The following EPHA6 variants were observed in gnomAD, a reference collection of about 807,000 sequenced individuals.
EPHA6 encodes ephrin type-A receptor 6.
EPHA6 carries 50 observed loss-of-function variants against 112.0 expected under a neutral mutation model. The ratio of observed to expected loss-of-function variants is 0.45; its 90% CI spans 0.36 to 0.56. EPHA6 has a LOEUF of 0.56. EPHA6 is among the 20% of genes least tolerant of loss of function. EPHA6 has a pLI of 0.00. For synonymous variants in EPHA6, 529 were observed against 490.7 expected (o/e 1.08, Z -1.03); for missense variants, 1,280 against 1,417.4 (o/e 0.90, Z 1.56).
At chr3:97,373,915 C>A (rs952298377) in intron 5 of EPHA6, among the ~76,000 whole-genome samples, 1 of 152,002 alleles carries the variant, frequency 6.6e-6, no homozygotes, top group Non-Finnish European at 1.5e-5. Flanking sequence ...ATATATAATT[C>A]TTATAACAAA....
At chr3:97,392,092 C>A (rs1428609704) in intron 5 of EPHA6, among the ~76,000 whole-genome samples, 1 of 151,788 alleles carries the variant, frequency 6.6e-6, no homozygotes, top group African/African-American at 2.4e-5. Flanking sequence ...GAAGAATAAG[C>A]CACATATATT....
At chr3:97,152,639 T>G (rs1220757810) in intron 3 of EPHA6, among the ~76,000 whole-genome samples, 1 of 152,024 alleles carries the variant, frequency 6.6e-6, no homozygotes, top group Non-Finnish European at 1.5e-5. Context: ...CAGCATTTAC[T>G]TAATACTTAT....
chr3:97,725,547 A>G (rs1176708903), intron 15 of EPHA6, among the ~76,000 whole-genome samples: 1 of 152,182 alleles, frequency 6.6e-6, no homozygotes, highest in Non-Finnish European at 1.5e-5. Flanking sequence ...GCAGTATCAA[A>G]TAACAGCAAA....
At chr3:97,373,690 G>A (rs924480773) in intron 5 of EPHA6, among the ~76,000 whole-genome samples, 9 of 151,998 alleles carry the variant, frequency 5.9e-5, no homozygotes, top group Admixed American at 2.0e-4. Flanking sequence ...AAAGAGAGAG[G>A]TGATCATTTT....
intron 3 of EPHA6, among the ~76,000 whole-genome samples, chr3:97,004,634 C>T (rs2043805707): frequency 6.6e-6 from 1 of 152,182 alleles, no homozygotes; most frequent in Non-Finnish European, 1.5e-5. Context: ...TTCAGAAGCT[C>T]TTTAGACTAA....
intron 3 of EPHA6, among the ~76,000 whole-genome samples, chr3:97,185,446 C>G (rs1054405952): frequency 4.6e-5 from 7 of 152,026 alleles, no homozygotes; most frequent in Non-Finnish European, 7.4e-5. Flanking sequence ...ATTTATGCAG[C>G]CAACAGATGC....
At chr3:97,286,632 C>G (rs1040674859) in intron 5 of EPHA6, among the ~76,000 whole-genome samples, 4 of 150,038 alleles carry the variant, frequency 2.7e-5, no homozygotes, top group Non-Finnish European at 4.4e-5. Flanking sequence ...TGTTTTGGTA[C>G]CAAAGCCATA....
chr3:97,712,065 AAT>A (rs1349674121), intron 14 of EPHA6, among the ~76,000 whole-genome samples: 2 of 152,242 alleles, frequency 1.3e-5, no homozygotes, highest in Non-Finnish European at 2.9e-5. Flanking sequence ...TAATGTATTA[AAT>A]ATCTCAATAT....
At chr3:97,623,796 T>C (rs963894526) in intron 13 of EPHA6, among the ~76,000 whole-genome samples, 21 of 151,714 alleles carry the variant, frequency 1.4e-4, no homozygotes, top group African/African-American at 4.8e-4. Flanking sequence ...GACACATACA[T>C]CCAAGCCATA....
chr3:96,873,086 G>A (rs2036729793), intron 2 of EPHA6, among the ~76,000 whole-genome samples: 1 of 151,880 alleles, frequency 6.6e-6, no homozygotes, highest in African/African-American at 2.4e-5. Flanking sequence ...TGGCCAACAT[G>A]GTGAAACCCC....
Position 97,755,320 on chromosome 3 carries a change from A to G in EPHA6, c.*6619A>G, listed in dbSNP as rs1351267240. Among the ~76,000 whole-genome samples, 1 of 152,210 alleles carries G rather than the reference A, an allele frequency of 6.6e-6. No homozygotes were observed. The highest frequency in any genetic ancestry group is 2.4e-5 in the African/African-American group (1 of 41,470). On this transcript the variant is annotated 3_prime_UTR_variant, in exon 18 of 18. Transcript: ENST00000389672. The stretch of plus-strand genomic sequence containing the variant: ...CTTCTCAGGAGTTGTAAACTAGAAA[A>G]GTATCAGAATTAGTGAAAATCTTCC...
chr3:97,551,951 A>T (rs973044827), intron 11 of EPHA6, among the ~76,000 whole-genome samples: 4 of 152,162 alleles, frequency 2.6e-5, no homozygotes, highest in African/African-American at 7.2e-5. Flanking sequence ...TGTTCCCCAA[A>T]TGGAGAAACT....
chr3:97,463,348 A>AT (rs906227049), intron 7 of EPHA6, among the ~76,000 whole-genome samples: 3 of 152,104 alleles, frequency 2.0e-5, no homozygotes, highest in African/African-American at 4.8e-5. Context: ...AGGAATAGTG[A>AT]TTTTTTATCT....
At chr3:97,073,748 T>C (rs1242573287) in intron 3 of EPHA6, among the ~76,000 whole-genome samples, 1 of 152,096 alleles carries the variant, frequency 6.6e-6, no homozygotes, top group Non-Finnish European at 1.5e-5. Context: ...TATGCATCTA[T>C]AAGTATATAC....
chr3:96,885,915 G>A (rs901363980), intron 2 of EPHA6, among the ~76,000 whole-genome samples: 1 of 152,110 alleles, frequency 6.6e-6, no homozygotes, highest in South Asian at 2.1e-4. Flanking sequence ...GGTGTTGATA[G>A]GTTGTGTCAT....
At chr3:97,267,146 C>T (rs1336105298) in intron 5 of EPHA6, among the ~76,000 whole-genome samples, 1 of 152,144 alleles carries the variant, frequency 6.6e-6, no homozygotes, top group African/African-American at 2.4e-5. Flanking sequence ...TGGATTTCTA[C>T]ACCTGTGAAC....
chr3:96,998,669 T>A (rs1179544123), intron 3 of EPHA6, among the ~76,000 whole-genome samples: 1 of 151,892 alleles, frequency 6.6e-6, no homozygotes, highest in East Asian at 1.9e-4. Context: ...GTATTTTTGG[T>A]TTTTAGTTAT....
chr3:97,596,307 G>A (rs2093590327), intron 12 of EPHA6, among the ~76,000 whole-genome samples: 1 of 152,106 alleles, frequency 6.6e-6, no homozygotes, highest in Non-Finnish European at 1.5e-5. Context: ...AAGTGGTTTA[G>A]AATTTTTTAT....
At position 97,310,888 on chromosome 3, in the gene EPHA6, T is replaced by C. The variant is rs146001194; in HGVS notation, c.1606+66601T>C. ...TTCATTTGTATGGTACAATGAAGAT[T>C]ACAAAAATCCATGTTCTTTGTACAG... On this transcript the variant is annotated intron_variant, in intron 5 of 17. Coordinates refer to ENST00000389672, the MANE Select transcript of EPHA6 (RefSeq NM_001080448.3). Among the ~76,000 whole-genome samples the C allele has an allele frequency of 3.4e-3, 516 of 151,862 alleles. 3 individuals carry two copies. The highest frequency in any genetic ancestry group is 0.01 in the Middle Eastern group (3 of 294).
Sources: allele counts gnomAD v4.1 joint callset (sites outside exome capture counted in the v4.1 genomes callset), GRCh38; gene constraint gnomAD v4.1.1; transcripts MANE v1.5; gene names NCBI Gene and HGNC (gene_info 2026-07-23, HGNC 2026-07-21).